Variants in PTPRD observed in about 807,000 individuals in gnomAD.
The protein encoded by PTPRD is protein tyrosine phosphatase receptor type D.
In PTPRD, 34 loss-of-function variants were observed where a neutral mutation model predicts 214.5. The observed-to-expected ratio is 0.16, with a 90% CI of 0.12 to 0.21. The LOEUF (loss-of-function observed/expected upper bound fraction) is 0.21, where lower values mean the gene tolerates loss of function less well. Among genes scored for constraint, PTPRD ranks in the 10% least tolerant of loss-of-function variants. The pLI, the probability that PTPRD is intolerant of heterozygous loss-of-function variation, is 1.00. For missense variants in PTPRD, 2,545 were observed against 2,398.7 expected (o/e 1.06, Z -1.27); for synonymous variants, 1,128 against 845.7 (o/e 1.33, Z -5.79).
intron 5 of PTPRD, among the ~76,000 whole-genome samples, chr9:9,937,903 T>A (rs1373960700): frequency 6.6e-6 from 1 of 152,224 alleles, no homozygotes; most frequent in Non-Finnish European, 1.5e-5. Flanking sequence ...ATGATGTGAT[T>A]AATATATTCT....
At chr9:8,812,992 C>G (rs1371834907) in intron 11 of PTPRD, among the ~76,000 whole-genome samples, 1 of 152,056 alleles carries the variant, frequency 6.6e-6, no homozygotes, top group Admixed American at 6.6e-5. Flanking sequence ...AAAGCTTTTG[C>G]TTCCGCTCCT....
At chr9:9,202,559 C>A (rs2099942496) in intron 9 of PTPRD, among the ~76,000 whole-genome samples, 1 of 152,176 alleles carries the variant, frequency 6.6e-6, no homozygotes. Flanking sequence ...GATCAACAGT[C>A]TCCTAACCCT....
rs567004454 is a variant in PTPRD at position 10,435,030 on chromosome 9, C to T, written c.-599-94013G>A. 4.1e-4 allele frequency among the ~76,000 whole-genome samples: 63 copies of T among 151,890 alleles called. 1 individual carries two copies. Among genetic ancestry groups the T allele is most frequent in the South Asian group, 3.9e-3 (19 of 4,818 alleles). On this transcript the variant is annotated intron_variant, in intron 2 of 45. Transcript: ENST00000381196. ...AGAGCAAATACGAAACACTAAACTG[C>T]GAATTTTTCAATTTTATTTGAATCT... is the stretch of plus-strand genomic sequence containing the variant.
At chr9:8,629,131 G>C (rs1346743607) in intron 14 of PTPRD, among the ~76,000 whole-genome samples, 2 of 151,716 alleles carry the variant, frequency 1.3e-5, no homozygotes, top group Non-Finnish European at 2.9e-5. Context: ...AAAATTCTAA[G>C]TTCAAGAAAC....
At chr9:8,697,261 A>G (rs2097935112) in intron 12 of PTPRD, among the ~76,000 whole-genome samples, 3 of 152,096 alleles carry the variant, frequency 2.0e-5, no homozygotes, top group African/African-American at 4.8e-5. Context: ...TTCATGTACC[A>G]TCCTCAGCTT....
chr9:9,362,791 G>A (rs1158461789), intron 9 of PTPRD, among the ~76,000 whole-genome samples: 3 of 151,210 alleles, frequency 2.0e-5, no homozygotes, highest in African/African-American at 7.3e-5. Context: ...TAGTTAGCAG[G>A]CTTAACCTAT....
At chr9:9,716,203 A>G (rs1408787257) in intron 7 of PTPRD, among the ~76,000 whole-genome samples, 6 of 152,154 alleles carry the variant, frequency 3.9e-5, no homozygotes, top group Non-Finnish European at 7.3e-5. Flanking sequence ...TTATGGCTGC[A>G]TAGTATTCCA....
At chr9:8,325,760 C>T (rs1833034848) in intron 44 of PTPRD, among the ~76,000 whole-genome samples, 1 of 152,028 alleles carries the variant, frequency 6.6e-6, no homozygotes, top group African/African-American at 2.4e-5. Flanking sequence ...TTTCATTGAA[C>T]AGTGGTTTGT....
At chr9:9,600,617 C>A (rs186743123) in intron 7 of PTPRD, among the ~76,000 whole-genome samples, 1 of 152,156 alleles carries the variant, frequency 6.6e-6, no homozygotes, top group African/African-American at 2.4e-5. Flanking sequence ...AACCAAGAGG[C>A]CCTCCCCTAC....
chr9:10,493,203 C>G (rs1442947090), intron 2 of PTPRD, among the ~76,000 whole-genome samples: 1 of 152,002 alleles, frequency 6.6e-6, no homozygotes, highest in Non-Finnish European at 1.5e-5. Context: ...AATGCTATCC[C>G]CATCAAGCTA....
At chr9:8,923,351 G>A (rs7858252) in intron 11 of PTPRD, among the ~76,000 whole-genome samples, 106,771 of 151,752 alleles carry the variant, frequency 0.7, 37,931 homozygotes, top group East Asian at 0.86. Context: ...CAGCTTCTAC[G>A]TACTTCTTAT....
chr9:9,634,221 T>G (rs992242797), intron 7 of PTPRD, among the ~76,000 whole-genome samples: 6 of 152,122 alleles, frequency 3.9e-5, no homozygotes, highest in Non-Finnish European at 7.4e-5. Flanking sequence ...TCAAAAACGT[T>G]GGTGGATATA....
chr9:9,954,297 C>CAAAAAAAAAAAAAAAA (rs781628679), intron 4 of PTPRD, among the ~76,000 whole-genome samples: 1 of 53,752 alleles, frequency 1.9e-5, no homozygotes, highest in Non-Finnish European at 4.5e-5. Context: ...TGTCTCAAAA[C>CAAAAAAAAAAAAAAAA]AAAAAAAAAA....
intron 3 of PTPRD, among the ~76,000 whole-genome samples, chr9:10,041,830 G>T (rs1000262108): frequency 3.9e-5 from 6 of 151,914 alleles, no homozygotes; most frequent in African/African-American, 1.4e-4. Flanking sequence ...ATAAACTTTA[G>T]ATCTATGCTG....
At chr9:9,853,920 A>C (rs973986780) in intron 5 of PTPRD, among the ~76,000 whole-genome samples, 1 of 152,226 alleles carries the variant, frequency 6.6e-6, no homozygotes, top group South Asian at 2.1e-4. Flanking sequence ...TGATGTTTCC[A>C]TCTGTGTATA....
intron 12 of PTPRD, among the ~76,000 whole-genome samples, chr9:8,681,349 G>GAAGAAAAAAA (rs2097545900): frequency 6.6e-6 from 1 of 151,582 alleles, no homozygotes; most frequent in Non-Finnish European, 1.5e-5. Context: ...TATAGCTAGC[G>GAAGAAAAAAA]AAGAAAAAAA....
intron 3 of PTPRD, among the ~76,000 whole-genome samples, chr9:10,196,715 T>C (rs2099399720): frequency 6.6e-6 from 1 of 152,138 alleles, no homozygotes; most frequent in African/African-American, 2.4e-5. Context: ...GGTTAAAATA[T>C]ACATAAAACA....
chr9:9,478,730 G>T (rs1423183832), intron 8 of PTPRD, among the ~76,000 whole-genome samples: 1 of 152,100 alleles, frequency 6.6e-6, no homozygotes, highest in Non-Finnish European at 1.5e-5. Context: ...AAAATTTGAT[G>T]CTCAAAATGT....
At chr9:9,451,721 G>T (rs180965991) in intron 8 of PTPRD, among the ~76,000 whole-genome samples, 6 of 151,702 alleles carry the variant, frequency 4.0e-5, no homozygotes, top group Non-Finnish European at 1.5e-5. Flanking sequence ...TGAGCAAGGA[G>T]TTAGAAAGCA....
Sources: gnomAD v4.1 joint callset for allele counts (sites outside exome capture counted in the v4.1 genomes callset) on GRCh38, gnomAD v4.1.1 for gene constraint, MANE v1.5 for transcripts, NCBI Gene and HGNC (gene_info 2026-07-23, HGNC 2026-07-21) for gene names.